MYO6: variants seen among roughly 807,000 people sequenced by gnomAD.
MYO6 encodes myosin VI.
Under a neutral mutation model 178.7 loss-of-function variants are expected in MYO6, and 74 were observed. The ratio of observed to expected loss-of-function variants is 0.41; its 90% CI spans 0.34 to 0.50. MYO6 has a LOEUF of 0.50. Among genes scored for constraint, MYO6 ranks in the 20% least tolerant of loss-of-function variants. The pLI is 0.09. For synonymous variants in MYO6, 477 were observed against 504.6 expected, an observed-to-expected ratio of 0.95 and a Z score of 0.73; for missense variants, 1,330 against 1,547.4, an observed-to-expected ratio of 0.86 and a Z score of 2.36.
chr6:75,795,122 T>C, intron 1 of MYO6, among the ~76,000 whole-genome samples: 1 of 152,250 alleles, frequency 6.6e-6, no homozygotes, highest in Non-Finnish European at 1.5e-5. Flanking sequence ...TAGATTTATC[T>C]GACCTTAATG....
intron 30 of MYO6, among the ~76,000 whole-genome samples, chr6:75,898,956 A>G (rs1779519131): frequency 6.6e-6 from 1 of 152,190 alleles, no homozygotes; most frequent in African/African-American, 2.4e-5. Flanking sequence ...TTAATTTTGA[A>G]GTTACAAAGA....
intron 7 of MYO6, among the ~76,000 whole-genome samples, chr6:75,836,868 C>T (rs1219462258): frequency 6.6e-6 from 1 of 152,134 alleles, no homozygotes; most frequent in Non-Finnish European, 1.5e-5. Context: ...TAGGGGTGAG[C>T]CACCGCGCCC....
chr6:75,800,586 C>T (rs1041279193), intron 1 of MYO6, among the ~76,000 whole-genome samples: 4 of 152,010 alleles, frequency 2.6e-5, no homozygotes, highest in East Asian at 3.8e-4. Flanking sequence ...CAAATTTAAA[C>T]GGGGAGCTAG....
intron 1 of MYO6, among the ~76,000 whole-genome samples, chr6:75,812,571 A>G (rs1235507406): frequency 1.3e-5 from 2 of 152,066 alleles, no homozygotes; most frequent in East Asian, 3.9e-4. Context: ...ATATTTTTGT[A>G]CCCATTAACC....
At chr6:75,848,635 TAAGA>T in intron 11 of MYO6, 104 bp downstream of exon 11, 1 of 1,140,052 alleles carries the variant, frequency 8.8e-7, no homozygotes, top group Non-Finnish European at 1.3e-6. Flanking sequence ...TTAAAAACTT[TAAGA>T]AATATCTAAA....
chr6:75,854,060 A>G (rs1482569501), intron 11 of MYO6, among the ~76,000 whole-genome samples: 1 of 152,116 alleles, frequency 6.6e-6, no homozygotes, highest in Non-Finnish European at 1.5e-5. Context: ...TTCTTTCTTT[A>G]TAGTACTTTT....
chr6:75,840,015 T>G (rs187293638), intron 7 of MYO6, among the ~76,000 whole-genome samples: 1 of 152,136 alleles, frequency 6.6e-6, no homozygotes, highest in Admixed American at 6.5e-5. Context: ...GCTTAAAAAT[T>G]TAGTCTTTCC....
chr6:75,826,692 A>G (rs935731444), intron 3 of MYO6, among the ~76,000 whole-genome samples: 1 of 152,182 alleles, frequency 6.6e-6, no homozygotes. Context: ...TCTGCTGCCT[A>G]ACCCTCTCTA....
At chr6:75,810,377 T>C (rs1373166782) in intron 1 of MYO6, among the ~76,000 whole-genome samples, 2 of 152,204 alleles carry the variant, frequency 1.3e-5, no homozygotes, top group African/African-American at 4.8e-5. Flanking sequence ...CTTCAGGGTC[T>C]GATATCTGGC....
In MYO6 at chr6:75,822,852, G is replaced by GT. The variant is rs760337562; in HGVS notation, c.187+2dup. 2 of 1,610,924 alleles carry GT rather than the reference G, an allele frequency of 1.2e-6. No individual in the cohort carries two copies. Among genetic ancestry groups the GT allele is most frequent in the Admixed American group, 1.7e-5 (1 of 60,006 alleles). ...AGTAAAAAAGATGTGGAAGATAACT[G>GT]TAAGTACCAAGTTAAAAATTAACTC... On this transcript the variant is annotated splice_donor_variant, in intron 3 of 34. Coordinates refer to ENST00000369977, the MANE Select transcript of MYO6 (RefSeq NM_004999.4). LOFTEE classifies it high-confidence loss of function.
chr6:75,821,376 A>G (rs540033564), intron 2 of MYO6, among the ~76,000 whole-genome samples: 25 of 152,284 alleles, frequency 1.6e-4, no homozygotes, highest in African/African-American at 5.5e-4. Flanking sequence ...TTTCCTATAG[A>G]ATCATTATTA....
chr6:75,783,611 A>C (rs1036577590), intron 1 of MYO6, among the ~76,000 whole-genome samples: 18 of 150,936 alleles, frequency 1.2e-4, no homozygotes, highest in African/African-American at 4.4e-4. Flanking sequence ...TAATGTTGAC[A>C]CATACCATAA....
intron 28 of MYO6, chr6:75,894,699 A>T (rs908368572): frequency 1.7e-6 from 1 of 600,976 alleles, no homozygotes; most frequent in Non-Finnish European, 2.6e-6. Flanking sequence ...AGTAAGAACT[A>T]AGTAAACTGT....
chr6:75,845,404 G>A (rs777517286), intron 10 of MYO6, among the ~76,000 whole-genome samples: 6 of 152,112 alleles, frequency 3.9e-5, no homozygotes, highest in African/African-American at 7.2e-5. Flanking sequence ...GGGAAGAAAT[G>A]CTTATAGGCT....
chr6:75,887,056 G>T (rs1476899170), intron 25 of MYO6, 62 bp downstream of exon 25: 2 of 1,501,832 alleles, frequency 1.3e-6, no homozygotes, highest in Admixed American at 3.4e-5. Flanking sequence ...TTTGTTATTG[G>T]TATTGAAATT....
intron 20 of MYO6, among the ~76,000 whole-genome samples, chr6:75,879,397 A>G (rs1469849667): frequency 1.3e-5 from 2 of 149,658 alleles, no homozygotes; most frequent in Admixed American, 1.3e-4. Context: ...GGCATGCACT[A>G]GCATGCCTGG....
chr6:75,892,587 G>T lies in MYO6; in HGVS notation c.3004G>T (p.Val1002Phe). Residue 1002 changes from valine to phenylalanine, a missense_variant, in exon 28 of 35, where the codon GTT (valine) becomes TTT (phenylalanine). This residue lies in a region of MYO6 where 601 missense variants were observed against 626.1 expected (regional missense o/e 0.96). Coordinates refer to ENST00000369977, the MANE Select transcript of MYO6 (RefSeq NM_004999.4). ...QKEEESQQQA[V>F]LEQERRDREL... is the part of the protein sequence containing the mutation. ...GGAGGAGGAATCCCAACAGCAAGCA[G>T]TTCTGGAGCAGGAGCGCAGGGACCG... 1 of 1,613,854 alleles carries T rather than the reference G, an allele frequency of 6.2e-7. No individual in the cohort carries two copies. The highest frequency in any genetic ancestry group is 8.5e-7 in the Non-Finnish European group (1 of 1,180,022).
At chr6:75,758,785 C>T (rs967532880) in intron 1 of MYO6, among the ~76,000 whole-genome samples, 5 of 151,650 alleles carry the variant, frequency 3.3e-5, no homozygotes, top group African/African-American at 4.8e-5. Flanking sequence ...TAGCTTCATT[C>T]GGAGGTGATT....
intron 1 of MYO6, among the ~76,000 whole-genome samples, chr6:75,816,880 G>A (rs966308089): frequency 6.6e-6 from 1 of 152,100 alleles, no homozygotes; most frequent in Non-Finnish European, 1.5e-5. Flanking sequence ...ACACTCAACT[G>A]GTAAAAACTA....
Sources: allele counts gnomAD v4.1 joint callset (sites outside exome capture counted in the v4.1 genomes callset), GRCh38; gene constraint gnomAD v4.1.1; regional missense constraint gnomAD v4.1.1; transcripts MANE v1.5; gene names NCBI Gene and HGNC (gene_info 2026-07-23, HGNC 2026-07-21).